The following GBF1 variants were observed in gnomAD, a reference collection of about 807,000 sequenced individuals.
GBF1 encodes the protein golgi brefeldin A resistant guanine nucleotide exchange factor 1.
In GBF1, 114 loss-of-function variants were observed where a neutral mutation model predicts 210.5. The observed-to-expected ratio is 0.54, with a 90% confidence interval of 0.47 to 0.63. GBF1 has a LOEUF of 0.63. Among genes scored for constraint, GBF1 ranks in the 30% least tolerant of loss-of-function variants. GBF1 has a pLI of 0.00. For synonymous variants in GBF1, 850 were observed against 889.2 expected (o/e 0.96, Z 0.78); for missense variants, 1,851 against 2,357.7 (o/e 0.79, Z 4.45).
chr10:102,371,514 A>C (rs570663397), intron 29 of GBF1, among the ~76,000 whole-genome samples: 1 of 152,354 alleles, frequency 6.6e-6, no homozygotes, highest in South Asian at 2.1e-4. Flanking sequence ...TGATCTGTAA[A>C]TTCAACATAA....
At chr10:102,300,958 G>T (rs936476942) in intron 3 of GBF1, among the ~76,000 whole-genome samples, 1 of 145,878 alleles carries the variant, frequency 6.9e-6, no homozygotes, top group Non-Finnish European at 1.5e-5. Context: ...ATATATAAGA[G>T]AATCAGTATT....
At chr10:102,380,197 G>A in intron 36 of GBF1, 52 bp from the exon 37 acceptor site, 1 of 1,176,008 alleles carries the variant, frequency 8.5e-7, no homozygotes, top group Non-Finnish European at 1.3e-6. Context: ...CTCAGAGAGG[G>A]GTCCAGAGGC....
intron 14 of GBF1, 143 bp downstream of exon 14, chr10:102,362,055 T>TC (rs1565160827): frequency 1.0e-4 from 36 of 346,026 alleles, no homozygotes; most frequent in Non-Finnish European, 1.4e-4. Context: ...CTTTTCTTTT[T>TC]TTTTTTTTTT....
At chr10:102,243,621 G>T (rs2070595382), upstream of GBF1, among the ~76,000 whole-genome samples, 3 of 152,150 alleles carry the variant, frequency 2.0e-5, no homozygotes, top group Admixed American at 2.0e-4. Context: ...TCTGAGACAG[G>T]CCCAGGACAC....
chr10:102,359,392 C>T lies in GBF1; in HGVS notation c.1137C>T (p.Val379=), dbSNP rs1156646062. 1 of 1,613,922 alleles carries T rather than the reference C, an allele frequency of 6.2e-7. No homozygotes were observed. The highest frequency in any genetic ancestry group is 8.5e-7 in the Non-Finnish European group (1 of 1,179,794). The part of the protein sequence containing the change: ...DSASVHDMDY[V]NPRGVRFTQS... ...CCTCTGTCCATGACATGGATTACGTCAATCCCCGGGGCGTGCGCTTTACAC... is the reference window on the plus strand; with the variant it reads ...CCTCTGTCCATGACATGGATTACGTTAATCCCCGGGGCGTGCGCTTTACAC... Residue 379 remains valine, a synonymous_variant, in exon 11 of 40, where the codon GTC becomes GTT. Coordinates refer to ENST00000369983, the MANE Select transcript of GBF1 (RefSeq NM_001377137.1).
intron 33 of GBF1, 32 bp from the exon 34 acceptor site, chr10:102,379,252 C>T: frequency 6.2e-7 from 1 of 1,603,172 alleles, no homozygotes; most frequent in Non-Finnish European, 8.5e-7. Flanking sequence ...GACCTAACCC[C>T]ACTCACATCC....
chr10:102,367,556 A>G lies in GBF1; in HGVS notation c.2638A>G (p.Ile880Val). 6.5e-7 allele frequency: 1 copy of G among 1,526,744 alleles called. No homozygotes were observed. The highest frequency in any genetic ancestry group is 2.2e-5 in the East Asian group (1 of 44,518). 94.6% of individuals were successfully genotyped at this position (1,526,744 alleles called of 1,614,324 possible). The part of the protein sequence containing the change: ...QDILEDMYHA[I>V]KNEEIVMPEE... ...CATCCTGGAGGACATGTACCATGCC[A>G]TCAAGTGAGTATACATAGAGAATAG... The change falls in exon 21 of 40, where the codon ATC becomes GTC. Residue 880 changes from isoleucine (I) to valine (V), a missense_variant. Transcript: ENST00000369983.
At chr10:102,234,521 C>T in the GBF1 span, among the ~76,000 whole-genome samples, 1 of 152,104 alleles carries the variant, frequency 6.6e-6, no homozygotes, top group Non-Finnish European at 1.5e-5. Context: ...GCCAACAATG[C>T]TCTGATGGAA....
intron 3 of GBF1, among the ~76,000 whole-genome samples, chr10:102,285,579 C>A (rs575975864): frequency 6.6e-6 from 1 of 152,226 alleles, no homozygotes; most frequent in East Asian, 1.9e-4. Flanking sequence ...TCTCTTCTTA[C>A]CCCTCTCTTT....
chr10:102,351,860 GCTAACCCCAGTGGGTGCCCAC>G lies in GBF1; in HGVS notation c.439_459del (p.Pro147_Thr153del). On this transcript the variant is annotated inframe_deletion, in exon 6 of 40. Transcript: ENST00000369983. ...CCTGATAGGTTCTACGGACTCTGCT[GCTAACCCCAGTGGGTGCCCAC>G]CTAACCAATGAATCTGTGTGTGAGA... 1.3e-6 allele frequency: 2 copies of G among 1,599,114 alleles called. No individual in the cohort carries two copies. Among genetic ancestry groups the G allele is most frequent in the Non-Finnish European group, 1.7e-6 (2 of 1,166,458 alleles).
chr10:102,376,688 G>A lies in GBF1; in HGVS notation c.4176G>A (p.Lys1392=). ...LGPHDTKSLL[K]CVESLSFIVR... Reference sequence around the variant, plus strand: ...CACACGACACTAAGTCTCTGCTTAAGTGTGTGGAATCGCTGTCCTTCATTG... The same window carrying A: ...CACACGACACTAAGTCTCTGCTTAAATGTGTGGAATCGCTGTCCTTCATTG... The change falls in exon 32 of 40, where the codon AAG becomes AAA. Residue 1392 remains lysine, a synonymous_variant. Transcript: ENST00000369983. 1 of 1,614,014 alleles carries A rather than the reference G, an allele frequency of 6.2e-7. No individual in the cohort carries two copies.
chr10:102,230,683 G>A, the GBF1 span: 12 of 1,547,808 alleles, frequency 7.8e-6, no homozygotes, highest in East Asian at 1.7e-4. Flanking sequence ...GGCGGCAGCC[G>A]CGGCGGCGGC....
chr10:102,231,896 C>T, the GBF1 span: 5 of 1,558,046 alleles, frequency 3.2e-6, no homozygotes, highest in Admixed American at 1.7e-5. Flanking sequence ...GGCTGCCCAG[C>T]CGGGGTCCCA....
chr10:102,366,977 T>C lies in GBF1; in HGVS notation c.2434-108T>C. On this transcript the variant is annotated intron_variant, in intron 19 of 39. Transcript: ENST00000369983. The surrounding 1 kb of genome is among the most constrained non-coding windows in gnomAD (Gnocchi z 4.0). The stretch of plus-strand genomic sequence containing the variant: ...AGGAGTTGGCAAGAGACTGGCCACT[T>C]TCTGGATGGTACCTCTCCTCTGTAC... 8.0e-7 allele frequency: 1 copy of C among 1,252,846 alleles called. No homozygotes were observed. The highest frequency in any genetic ancestry group is 1.4e-5 in the South Asian group (1 of 70,486). The allele number at this position is 1,252,846 out of a possible 1,614,324, so 77.6% of individuals were successfully genotyped here.
intron 3 of GBF1, among the ~76,000 whole-genome samples, chr10:102,263,264 C>T (rs2073453835): frequency 6.6e-6 from 1 of 152,122 alleles, no homozygotes; most frequent in Non-Finnish European, 1.5e-5. Flanking sequence ...TTCCTGGAAG[C>T]TTATTAATGG....
the GBF1 span, chr10:102,232,177 T>G: frequency 2.6e-6 from 2 of 769,038 alleles, no homozygotes; most frequent in Non-Finnish European, 4.5e-6. Context: ...CCTCGTAAAT[T>G]CCCTGGCGCC....
In GBF1 at chr10:102,370,496, T is replaced by C. The variant is rs1795459809; in HGVS notation, c.3506+18T>C. The C allele has an allele frequency of 6.3e-7, 1 of 1,577,628 alleles. No individual in the cohort carries two copies. Among genetic ancestry groups the C allele is most frequent in the East Asian group, 2.2e-5 (1 of 44,740 alleles). ...GAGAACAGGTAAGATGAGCGTAGTC[T>C]TTAGGCAGACCCCATGCTGGGCTTG... On this transcript the variant is annotated intron_variant, in intron 28 of 39. Coordinates refer to ENST00000369983, the MANE Select transcript of GBF1 (RefSeq NM_001377137.1).
At chr10:102,377,371 T>A (rs568715048) in intron 33 of GBF1, among the ~76,000 whole-genome samples, 269 of 146,096 alleles carry the variant, frequency 1.8e-3, no homozygotes, top group African/African-American at 6.3e-3. Context: ...TTATTTATTT[T>A]TTGAGATGTA....
intron 3 of GBF1, among the ~76,000 whole-genome samples, chr10:102,330,401 T>C (rs185229293): frequency 3.3e-5 from 5 of 151,916 alleles, no homozygotes; most frequent in Admixed American, 1.3e-4. Flanking sequence ...ATAATGTAGC[T>C]GGCCGGGTGC....
Sources: gnomAD v4.1 joint callset for allele counts (sites outside exome capture counted in the v4.1 genomes callset) on GRCh38, gnomAD v4.1.1 for gene constraint, Gnocchi (gnomAD v3.1) non-coding constraint, MANE v1.5 for transcripts, NCBI Gene and HGNC (gene_info 2026-07-23, HGNC 2026-07-21) for gene names.